The following DCC variants were observed in gnomAD, a reference collection of about 807,000 sequenced individuals.
DCC encodes DCC netrin 1 receptor.
Under a neutral mutation model 172.5 loss-of-function variants are expected in DCC, and 58 were observed. The ratio of observed to expected loss-of-function variants is 0.34; its 90% CI spans 0.27 to 0.42. The LOEUF (loss-of-function observed/expected upper bound fraction) is 0.42. DCC is among the 10% of genes least tolerant of loss of function. The probability of loss-of-function intolerance (pLI) is 1.00; values close to 1 mark genes in which losing one functional copy is unlikely to be tolerated. For missense variants in DCC, 1,740 were observed against 1,791.0 expected, an observed-to-expected ratio of 0.97 and a Z score of 0.51; for synonymous variants, 709 against 644.5, an observed-to-expected ratio of 1.10 and a Z score of -1.52.
chr18:52,906,041 T>C lies in DCC; in HGVS notation c.413-3T>C. The C allele has an allele frequency of 1.3e-6, 2 of 1,594,316 alleles. No homozygotes were observed. Among genetic ancestry groups the C allele is most frequent in the South Asian group, 1.1e-5 (1 of 90,680 alleles). On this transcript the variant is annotated splice_polypyrimidine_tract_variant and splice_region_variant and intron_variant, in intron 2 of 28. Transcript: ENST00000442544. ...TATTCTTCCTTCTTTGTTTTTCTCC[T>C]AGGACCACTGAGGTTCCTTTCACAG...
intron 1 of DCC, among the ~76,000 whole-genome samples, chr18:52,739,339 G>A (rs763124721): frequency 6.6e-5 from 10 of 151,866 alleles, no homozygotes; most frequent in Admixed American, 1.3e-4. Context: ...CAAATTATTC[G>A]TTTTTGTCTA....
intron 1 of DCC, among the ~76,000 whole-genome samples, chr18:52,534,563 G>A (rs1299299006): frequency 1.3e-5 from 2 of 152,088 alleles, no homozygotes; most frequent in Non-Finnish European, 2.9e-5. Flanking sequence ...AATATTTACT[G>A]AGAGTCTAAT....
intron 2 of DCC, among the ~76,000 whole-genome samples, chr18:52,762,683 G>T (rs550497805): frequency 6.6e-6 from 1 of 151,872 alleles, no homozygotes; most frequent in African/African-American, 2.4e-5. Flanking sequence ...AATTAGCCAG[G>T]TATGGTAGTA....
intron 7 of DCC, among the ~76,000 whole-genome samples, chr18:53,154,772 C>T (rs1040376416): frequency 9.2e-5 from 14 of 152,096 alleles, no homozygotes; most frequent in South Asian, 4.2e-4. Flanking sequence ...GAGAGGACAA[C>T]TTGAATATCA....
chr18:52,674,275 G>A (rs1015566303), intron 1 of DCC, among the ~76,000 whole-genome samples: 1 of 152,210 alleles, frequency 6.6e-6, no homozygotes. Context: ...ATAGCTGATG[G>A]TATAGATTGC....
At chr18:52,401,230 A>T (rs1243116146) in intron 1 of DCC, among the ~76,000 whole-genome samples, 1 of 152,024 alleles carries the variant, frequency 6.6e-6, no homozygotes, top group East Asian at 1.9e-4. Context: ...CATCAATCAT[A>T]TGCTTTCCTA....
At chr18:53,249,773 C>A (rs1347874259) in intron 12 of DCC, among the ~76,000 whole-genome samples, 1 of 151,778 alleles carries the variant, frequency 6.6e-6, no homozygotes, top group East Asian at 1.9e-4. Flanking sequence ...AAAATGCAAC[C>A]ATGTGGTTGT....
intron 1 of DCC, among the ~76,000 whole-genome samples, chr18:52,736,089 A>T (rs1051027593): frequency 1.3e-5 from 2 of 152,092 alleles, no homozygotes; most frequent in African/African-American, 4.8e-5. Context: ...GGTGATCTAG[A>T]ATTAATCCTA....
intron 12 of DCC, among the ~76,000 whole-genome samples, chr18:53,299,910 A>G (rs1187164659): frequency 2.6e-5 from 4 of 152,210 alleles, no homozygotes; most frequent in Non-Finnish European, 5.9e-5. Context: ...TAACTCACAG[A>G]GTCATAATGA....
intron 2 of DCC, among the ~76,000 whole-genome samples, chr18:52,877,299 C>G (rs991403858): frequency 1.3e-5 from 2 of 152,170 alleles, no homozygotes; most frequent in Admixed American, 6.5e-5. Context: ...TGTCTCCAGA[C>G]ATTGGCAGTG....
intron 1 of DCC, among the ~76,000 whole-genome samples, chr18:52,459,895 A>ATG (rs2144535513): frequency 1.3e-5 from 2 of 151,266 alleles, no homozygotes; most frequent in South Asian, 4.2e-4. Flanking sequence ...ATATATATAT[A>ATG]TATACACACA....
At chr18:52,832,673 A>G (rs926416689) in intron 2 of DCC, among the ~76,000 whole-genome samples, 22 of 152,262 alleles carry the variant, frequency 1.4e-4, no homozygotes, top group African/African-American at 5.1e-4. Flanking sequence ...TTCCACTATT[A>G]TTGTTCTAAT....
At chr18:53,475,422 C>T (rs1250004700) in intron 25 of DCC, among the ~76,000 whole-genome samples, 1 of 152,172 alleles carries the variant, frequency 6.6e-6, no homozygotes, top group Non-Finnish European at 1.5e-5. Flanking sequence ...GGACCAGGCC[C>T]AGGGTCTGTG....
intron 11 of DCC, among the ~76,000 whole-genome samples, chr18:53,211,980 G>A (rs1037160182): frequency 1.3e-5 from 2 of 152,022 alleles, no homozygotes; most frequent in Admixed American, 6.6e-5. Flanking sequence ...CCTGGGAGGC[G>A]GAGGTTGCAG....
intron 7 of DCC, among the ~76,000 whole-genome samples, chr18:53,095,792 CTTTT>C (rs71175552): frequency 1.6e-5 from 2 of 126,250 alleles, no homozygotes; most frequent in Non-Finnish European, 1.6e-5. Flanking sequence ...ATATGGATAT[CTTTT>C]TTTTTTTTTT....
chr18:53,001,010 T>C (rs1181005455), intron 5 of DCC, among the ~76,000 whole-genome samples: 2 of 152,022 alleles, frequency 1.3e-5, no homozygotes, highest in Non-Finnish European at 2.9e-5. Flanking sequence ...TTCCCAACTT[T>C]ATGTTCAGTG....
chr18:53,481,193 A>G (rs2045828237), intron 25 of DCC: 1 of 152,198 alleles, frequency 6.6e-6, no homozygotes, highest in Middle Eastern at 3.2e-3. Flanking sequence ...TCACCAGACC[A>G]ATCCTGGTAA....
chr18:52,370,209 C>G (rs189525951), intron 1 of DCC, among the ~76,000 whole-genome samples: 6 of 152,252 alleles, frequency 3.9e-5, no homozygotes, highest in Admixed American at 3.3e-4. Flanking sequence ...ACATTTGACT[C>G]AGCAATCCTA....
intron 1 of DCC, among the ~76,000 whole-genome samples, chr18:52,637,556 A>G (rs1287857480): frequency 6.6e-6 from 1 of 152,226 alleles, no homozygotes; most frequent in East Asian, 1.9e-4. Context: ...GTACAAGTAG[A>G]ACAAAGAAAT....
Sources: gnomAD v4.1 joint callset for allele counts (sites outside exome capture counted in the v4.1 genomes callset) on GRCh38, gnomAD v4.1.1 for gene constraint, MANE v1.5 for transcripts, NCBI Gene and HGNC (gene_info 2026-07-23, HGNC 2026-07-21) for gene names.